Variants in ZNF875 observed in about 807,000 individuals in gnomAD.
ZNF875 encodes HKR1, GLI-Kruppel zinc finger family member.
Under a neutral mutation model 11.2 loss-of-function variants are expected in ZNF875, and 14 were observed. The observed-to-expected ratio is 1.26, with a 90% CI of 0.83 to 1.96. The LOEUF is 1.96. Ranked by LOEUF, ZNF875 falls within the 30% of genes most tolerant of loss-of-function variation. ZNF875 has a pLI of 0.00. For missense variants in ZNF875, 752 were observed against 760.4 expected (o/e 0.99, Z 0.13); for synonymous variants, 301 against 281.1 (o/e 1.07, Z -0.71).
chr19:37,360,737 C>G (rs1241330623), intron 4 of ZNF875, among the ~76,000 whole-genome samples: 1 of 152,114 alleles, frequency 6.6e-6, no homozygotes, highest in Non-Finnish European at 1.5e-5. Flanking sequence ...CTCAAGCAAT[C>G]CTCCCACCTC....
In ZNF875 at chr19:37,358,230, C is replaced by T. The variant is rs1343333303; in HGVS notation, c.257-3879C>T. 2.7e-5 allele frequency among the ~76,000 whole-genome samples: 4 copies of T among 147,542 alleles called. No homozygotes were observed. In the East Asian group the frequency reaches 8.0e-4, roughly 30 times the overall value. ...CGCGATCTCGGCTCACTGCAAGCTCCGTCTCCCAGGTTCACACTATTCTCC... is the reference window on the plus strand; with the variant it reads ...CGCGATCTCGGCTCACTGCAAGCTCTGTCTCCCAGGTTCACACTATTCTCC... On this transcript the variant is annotated intron_variant, in intron 4 of 4. Coordinates refer to ENST00000392153, the MANE Select transcript of ZNF875 (RefSeq NM_001353803.2).
upstream of ZNF875, among the ~76,000 whole-genome samples, chr19:37,316,393 G>C (rs1378684017): frequency 6.6e-6 from 1 of 152,154 alleles, no homozygotes; most frequent in Non-Finnish European, 1.5e-5. Context: ...TTTTGAGACG[G>C]AGTTTCGATC....
intron 1 of ZNF875, among the ~76,000 whole-genome samples, chr19:37,319,344 C>CATATATATAT (rs146774743): frequency 0.014 from 1,572 of 112,264 alleles, 42 homozygotes; most frequent in South Asian, 0.025. Context: ...CTGCAGCCGG[C>CATATATATAT]ATATATATAT....
Position 37,344,853 on chromosome 19 carries a change from T to C in ZNF875, c.34-2337T>C, listed in dbSNP as rs2036470446. 9 of 907,890 alleles carry C rather than the reference T, an allele frequency of 9.9e-6. No homozygotes were observed. In the South Asian group the frequency reaches 1.1e-4, roughly 11 times the overall value. 56.2% of individuals were successfully genotyped at this position (907,890 alleles called of 1,614,324 possible). A position where few individuals can be genotyped will look rare whatever the true frequency, so the allele number is the denominator to read the frequency against. On this transcript the variant is annotated intron_variant, in intron 2 of 4. Coordinates refer to ENST00000392153, the MANE Select transcript of ZNF875 (RefSeq NM_001353803.2). Reference sequence around the variant, plus strand: ...GTGGGAGATTTTCAAGGGGTGTATGTGTGTATGTTCTGAGAAGGGGTTGTA... The same window carrying C: ...GTGGGAGATTTTCAAGGGGTGTATGCGTGTATGTTCTGAGAAGGGGTTGTA...
chr19:37,345,554 G>A (rs564582838), intron 2 of ZNF875, among the ~76,000 whole-genome samples: 1 of 152,308 alleles, frequency 6.6e-6, no homozygotes, highest in South Asian at 2.1e-4. Flanking sequence ...CTAAATGAAT[G>A]ACGCTGGTGA....
In ZNF875 at chr19:37,347,424, A is replaced by G. The variant is rs2037025186; in HGVS notation, c.160+108A>G. ...ACCTTTCCCTTAGAGTTGAGCTTGA[A>G]AACAATTTACTTTTTTCCTCTGGGT... is the stretch of plus-strand genomic sequence containing the variant. On this transcript the variant is annotated intron_variant, in intron 3 of 4. Transcript: ENST00000392153. The G allele has an allele frequency of 6.3e-6, 7 of 1,106,968 alleles. No individual in the cohort carries two copies. The Admixed American group carries it at 1.8e-4, about 28-fold the overall frequency. The allele number at this position is 1,106,968 out of a possible 1,614,324, so 68.6% of individuals were successfully genotyped here.
intron 4 of ZNF875, among the ~76,000 whole-genome samples, chr19:37,351,508 A>G (rs2037892747): frequency 6.6e-6 from 1 of 152,172 alleles, no homozygotes; most frequent in African/African-American, 2.4e-5. Flanking sequence ...CTGAGGTAGA[A>G]GCTTAGGTCA....
chr19:37,324,015 G>A (rs2031998528), intron 3 of ZNF875, among the ~76,000 whole-genome samples: 1 of 152,226 alleles, frequency 6.6e-6, no homozygotes, highest in Non-Finnish European at 1.5e-5. Context: ...ATGGTGATTA[G>A]AGCCAATGAT....
At chr19:37,360,217 A>C (rs1228301453) in intron 4 of ZNF875, among the ~76,000 whole-genome samples, 3 of 152,198 alleles carry the variant, frequency 2.0e-5, no homozygotes, top group African/African-American at 7.2e-5. Flanking sequence ...CACCTTTATC[A>C]AAAATCAGCT....
upstream of ZNF875, among the ~76,000 whole-genome samples, chr19:37,331,080 G>C (rs570997813): frequency 6.6e-6 from 1 of 151,418 alleles, no homozygotes; most frequent in Non-Finnish European, 1.5e-5. Flanking sequence ...CCAGCTACTC[G>C]GGAGGCTGAG....
chr19:37,354,230 CCTCCT>C (rs2038463837), intron 4 of ZNF875, among the ~76,000 whole-genome samples: 1 of 60,488 alleles, frequency 1.7e-5, no homozygotes, highest in Non-Finnish European at 3.1e-5. Flanking sequence ...TTCCCCCTCC[CCTCCT>C]CTCCCCTCCT....
upstream of ZNF875, among the ~76,000 whole-genome samples, chr19:37,333,636 G>A (rs2033742002): frequency 6.6e-6 from 1 of 151,998 alleles, no homozygotes. Context: ...AGGAAATTGT[G>A]GATATTAAGG....
intron 2 of ZNF875, among the ~76,000 whole-genome samples, chr19:37,339,305 AT>A (rs1316632567): frequency 6.6e-6 from 1 of 152,120 alleles, no homozygotes; most frequent in Non-Finnish European, 1.5e-5. Flanking sequence ...GCCAACACTT[AT>A]CCCACTGAAA....
chr19:37,330,255 T>C (rs373101644), upstream of ZNF875, among the ~76,000 whole-genome samples: 390 of 152,354 alleles, frequency 2.6e-3, no homozygotes, highest in South Asian at 0.011. Flanking sequence ...ATACTTGACT[T>C]TTTTTGGTGA....
At chr19:37,314,555 T>G (rs186579024), upstream of ZNF875, among the ~76,000 whole-genome samples, 7 of 152,246 alleles carry the variant, frequency 4.6e-5, no homozygotes, top group Admixed American at 3.3e-4. Context: ...CTGGGTATGG[T>G]GGCTCATGCC....
chr19:37,348,363 CT>C, intron 4 of ZNF875, among the ~76,000 whole-genome samples: 1 of 152,194 alleles, frequency 6.6e-6, no homozygotes, highest in Non-Finnish European at 1.5e-5. Flanking sequence ...GTCGAAACCC[CT>C]ATTTCCCCTT....
At chr19:37,347,005 C>T (rs540124697) in intron 2 of ZNF875, 185 bp from the exon 3 acceptor site, 35 of 596,232 alleles carry the variant, frequency 5.9e-5, no homozygotes, top group South Asian at 9.6e-5. Context: ...TTAGTAGAGA[C>T]GGGGTTTCTC....
intron 4 of ZNF875, among the ~76,000 whole-genome samples, chr19:37,327,713 G>T (rs1361378364): frequency 1.4e-5 from 2 of 146,650 alleles, no homozygotes; most frequent in Non-Finnish European, 3.0e-5. Flanking sequence ...GCAGTGAGCC[G>T]TGATCTTGCC....
chr19:37,350,617 A>C (rs1017468358), intron 4 of ZNF875, among the ~76,000 whole-genome samples: 1 of 151,742 alleles, frequency 6.6e-6, no homozygotes, highest in Admixed American at 6.6e-5. Context: ...TCTTTTTTTT[A>C]ATTGTTGCTC....
Sources: gnomAD v4.1 joint callset for allele counts (sites outside exome capture counted in the v4.1 genomes callset) on GRCh38, gnomAD v4.1.1 for gene constraint, MANE v1.5 for transcripts, NCBI Gene and HGNC (gene_info 2026-07-23, HGNC 2026-07-21) for gene names.